DSCAM: variants seen among roughly 807,000 people sequenced by gnomAD.
DSCAM encodes the protein cell adhesion molecule DSCAM.
DSCAM carries 47 observed loss-of-function variants against 217.7 expected under a neutral mutation model. The ratio of observed to expected loss-of-function variants is 0.22; its 90% CI spans 0.17 to 0.28. DSCAM has a LOEUF of 0.28. Ranked by LOEUF, DSCAM falls within the 10% of genes least tolerant of loss-of-function variation. DSCAM has a pLI of 1.00. For missense variants in DSCAM, 2,080 were observed against 2,618.3 expected (o/e 0.79, Z 4.49); for synonymous variants, 1,056 against 1,015.3 (o/e 1.04, Z -0.76).
intron 32 of DSCAM, among the ~76,000 whole-genome samples, chr21:40,015,478 A>G (rs1473300868): frequency 2.7e-5 from 4 of 149,968 alleles, no homozygotes; most frequent in Admixed American, 1.3e-4. Context: ...TGCCCAGGCT[A>G]GAGTGCAATG....
chr21:40,653,312 A>T (rs1334987340), intron 3 of DSCAM, among the ~76,000 whole-genome samples: 1 of 152,144 alleles, frequency 6.6e-6, no homozygotes, highest in Non-Finnish European at 1.5e-5. Flanking sequence ...CAGTAGAAAA[A>T]AGATGGCTGC....
chr21:40,822,614 G>T (rs569069917), intron 1 of DSCAM, among the ~76,000 whole-genome samples: 1 of 152,080 alleles, frequency 6.6e-6, no homozygotes, highest in South Asian at 2.1e-4. Context: ...CTCCTTCTAA[G>T]AAAGCCCATT....
chr21:40,139,187 C>A (rs906868365), intron 18 of DSCAM, among the ~76,000 whole-genome samples: 1 of 150,650 alleles, frequency 6.6e-6, no homozygotes. Flanking sequence ...GTATGTGGAC[C>A]CTGAAAACCT....
chr21:40,623,347 CTTA>C (rs924057572), intron 3 of DSCAM, among the ~76,000 whole-genome samples: 15 of 152,058 alleles, frequency 9.9e-5, no homozygotes, highest in African/African-American at 3.6e-4. Context: ...GTGCAGTGAA[CTTA>C]TTAAGCACTT....
intron 3 of DSCAM, among the ~76,000 whole-genome samples, chr21:40,433,697 C>A (rs1355996346): frequency 6.6e-6 from 1 of 152,144 alleles, no homozygotes; most frequent in Non-Finnish European, 1.5e-5. Context: ...TAGGTGACAT[C>A]ATCTGAGGTG....
At chr21:40,669,077 C>A (rs1390857583) in intron 3 of DSCAM, among the ~76,000 whole-genome samples, 1 of 152,170 alleles carries the variant, frequency 6.6e-6, no homozygotes, top group Non-Finnish European at 1.5e-5. Context: ...AGCTCAAGAC[C>A]TTCACAGAGT....
At chr21:40,128,142 C>T (rs570869186) in intron 19 of DSCAM, among the ~76,000 whole-genome samples, 17 of 150,942 alleles carry the variant, frequency 1.1e-4, no homozygotes, top group Non-Finnish European at 1.3e-4. Context: ...GATCTATCAA[C>T]GTCTGTCTCC....
intron 11 of DSCAM, among the ~76,000 whole-genome samples, chr21:40,222,878 A>G (rs1441012647): frequency 6.6e-6 from 1 of 152,234 alleles, no homozygotes; most frequent in Non-Finnish European, 1.5e-5. Flanking sequence ...TATAATTGAG[A>G]CAATTTTAAA....
intron 3 of DSCAM, among the ~76,000 whole-genome samples, chr21:40,639,075 ATTT>A (rs3070826): frequency 6.8e-6 from 1 of 145,988 alleles, no homozygotes. Context: ...AATATCCTGC[ATTT>A]TTTTTTTTTT....
At chr21:40,070,816 G>T (rs2089283440) in intron 27 of DSCAM, among the ~76,000 whole-genome samples, 1 of 152,154 alleles carries the variant, frequency 6.6e-6, no homozygotes, top group Admixed American at 6.5e-5. Context: ...CCCTTAATCT[G>T]CCTGCATAGC....
intron 10 of DSCAM, among the ~76,000 whole-genome samples, chr21:40,283,930 A>G (rs1212049268): frequency 2.0e-5 from 3 of 149,604 alleles, no homozygotes; most frequent in Non-Finnish European, 4.4e-5. Flanking sequence ...AGCCTCACCA[A>G]TGGTTTGCAC....
At chr21:40,586,634 C>T (rs1202946104) in intron 3 of DSCAM, among the ~76,000 whole-genome samples, 4 of 152,194 alleles carry the variant, frequency 2.6e-5, no homozygotes. Context: ...GTGATGCTGA[C>T]AGTGACAGAC....
intron 3 of DSCAM, among the ~76,000 whole-genome samples, chr21:40,544,269 T>C (rs1045819279): frequency 2.0e-5 from 3 of 152,164 alleles, no homozygotes; most frequent in Non-Finnish European, 4.4e-5. Flanking sequence ...TGCAAATCAC[T>C]TGGAAGAGTC....
At chr21:40,161,912 G>A (rs2090545029) in intron 16 of DSCAM, among the ~76,000 whole-genome samples, 1 of 152,110 alleles carries the variant, frequency 6.6e-6, no homozygotes, top group Admixed American at 6.5e-5. Flanking sequence ...TAGGAAAAAA[G>A]GGTGTCTACT....
intron 3 of DSCAM, among the ~76,000 whole-genome samples, chr21:40,389,751 T>C (rs2837606): frequency 0.69 from 104,377 of 152,086 alleles, 36,702 homozygotes; most frequent in African/African-American, 0.83. Flanking sequence ...TCATGTACAC[T>C]GGCCGACTTG....
rs758689329 is a variant in DSCAM at position 40,133,939 on chromosome 21, G to A, written c.3477C>T (p.Thr1159=). ...SLELDGLEKY[T]NYSIQVLAFT... ...AGGCCAGCACCTGGATGCTGTAGTTGGTGTACTTTTCCAGCCCGTCCAGCT... is the reference window on the plus strand; with the variant it reads ...AGGCCAGCACCTGGATGCTGTAGTTAGTGTACTTTTCCAGCCCGTCCAGCT... The change falls in exon 19 of 33, where the codon ACC becomes ACT. Residue 1159 remains threonine, a synonymous_variant. Coordinates refer to ENST00000400454, the MANE Select transcript of DSCAM (RefSeq NM_001389.5). 6.2e-7 allele frequency: 1 copy of A among 1,613,492 alleles called. No individual in the cohort carries two copies. The highest frequency in any genetic ancestry group is 2.2e-5 in the East Asian group (1 of 44,772).
rs549656754 is a variant in DSCAM at position 40,585,206 on chromosome 21, A to G, written c.508+107604T>C. On this transcript the variant is annotated intron_variant, in intron 3 of 32. Transcript: ENST00000400454. Reference sequence around the variant, plus strand: ...TTTTTTTTTTTTTTACAACTTACCCAGTGTCAGGTATTTCTTTACAGCAAT... The same window carrying G: ...TTTTTTTTTTTTTTACAACTTACCCGGTGTCAGGTATTTCTTTACAGCAAT... 2.9e-3 allele frequency among the ~76,000 whole-genome samples: 439 copies of G among 149,196 alleles called. 4 individuals are homozygous for G. The highest frequency in any genetic ancestry group is 8.5e-3 in the African/African-American group (345 of 40,638).
In DSCAM at chr21:40,192,434, G is replaced by A. The variant is rs551794182; in HGVS notation, c.2357-3196C>T. 5.9e-5 allele frequency among the ~76,000 whole-genome samples: 9 copies of A among 152,214 alleles called. No individual in the cohort carries two copies. The South Asian group carries it at 6.2e-4, about 11-fold the overall frequency. ...CTAATGGTTTTATGAGGGGCTTTCC[G>A]CCCTTTACTCTGCACTTCCCCTTCC... On this transcript the variant is annotated intron_variant, in intron 11 of 32. Transcript: ENST00000400454.
At chr21:40,323,365 C>T (rs1376812001) in intron 8 of DSCAM, among the ~76,000 whole-genome samples, 5 of 152,202 alleles carry the variant, frequency 3.3e-5, no homozygotes, top group African/African-American at 1.2e-4. Context: ...GTGACACACT[C>T]TCCATATACT....
Sources: allele counts gnomAD v4.1 joint callset (sites outside exome capture counted in the v4.1 genomes callset), GRCh38; gene constraint gnomAD v4.1.1; transcripts MANE v1.5; gene names NCBI Gene and HGNC (gene_info 2026-07-23, HGNC 2026-07-21).